AMDHD2: variants seen among roughly 807,000 people sequenced by gnomAD.
The protein encoded by AMDHD2 is amidohydrolase domain containing 2.
A neutral mutation model predicts 41.8 loss-of-function variants in AMDHD2; 24 were observed. The observed-to-expected ratio is 0.57, with a 90% confidence interval of 0.42 to 0.81. The LOEUF (loss-of-function observed/expected upper bound fraction) is 0.81. Ranked by LOEUF, AMDHD2 falls within the 30% of genes least tolerant of loss-of-function variation. The probability of loss-of-function intolerance (pLI) is 0.00; values close to 1 mark genes in which losing one functional copy is unlikely to be tolerated. For synonymous variants in AMDHD2, 332 were observed against 255.5 expected, an observed-to-expected ratio of 1.30 and a Z score of -2.85; for missense variants, 540 against 588.5, an observed-to-expected ratio of 0.92 and a Z score of 0.85.
intron 3 of AMDHD2, among the ~76,000 whole-genome samples, chr16:2,522,370 A>G (rs1326753133): frequency 6.6e-6 from 1 of 151,990 alleles, no homozygotes; most frequent in East Asian, 1.9e-4. Context: ...GGCTTGTGCC[A>G]CCACACCCGA....
In AMDHD2 at chr16:2,528,249, A is replaced by T; in HGVS notation, c.731A>T (p.Asp244Val). The change falls in exon 7 of 11, where the codon GAC (aspartate) becomes GTC (valine). Residue 244 changes from aspartate (D) to valine (V), a missense_variant. By Grantham distance (152) the Asp-to-Val change is radical (BLOSUM62 -3). Coordinates refer to ENST00000293971, the MANE Select transcript of AMDHD2 (RefSeq NM_001330449.2). ...GCCCCTGCCCAGTTCCACCACCGCG[A>T]CCCAGGCATCGTGGGGCTCCTGACC... The part of the protein sequence containing the change: ...FNAMLPFHHR[D>V]PGIVGLLTSD... 1 of 1,611,918 alleles carries T rather than the reference A, an allele frequency of 6.2e-7. No individual in the cohort carries two copies. Among genetic ancestry groups the T allele is most frequent in the Non-Finnish European group, 8.5e-7 (1 of 1,179,826 alleles).
At chr16:2,520,694 G>T in intron 1 of AMDHD2, 75 bp from the exon 2 acceptor site, 1 of 1,409,522 alleles carries the variant, frequency 7.1e-7, no homozygotes, top group East Asian at 2.8e-5. Context: ...GTGCGGGGCC[G>T]GGGACCGGGC....
At chr16:2,526,709 G>A (rs1381140139) in intron 3 of AMDHD2, among the ~76,000 whole-genome samples, 1 of 151,976 alleles carries the variant, frequency 6.6e-6, no homozygotes, top group Non-Finnish European at 1.5e-5. Flanking sequence ...AGACTAAGGT[G>A]GGTGTTTGGT....
chr16:2,529,074 C>T lies in AMDHD2; in HGVS notation c.1120C>T (p.Leu374=). The change falls in exon 10 of 11, where the codon CTG becomes TTG. Residue 374 remains leucine (L), a synonymous_variant. Transcript: ENST00000293971. The part of the protein sequence containing the change: ...LLGLEKSKGT[L]DFGADADFVV... Reference sequence around the variant, plus strand: ...GGGGCTGGAGAAGAGTAAGGGGACCCTGGACTTTGGTGCTGACGCAGGTGA... The same window carrying T: ...GGGGCTGGAGAAGAGTAAGGGGACCTTGGACTTTGGTGCTGACGCAGGTGA... The T allele has an allele frequency of 6.3e-7, 1 of 1,593,508 alleles. No homozygotes were observed. The highest frequency in any genetic ancestry group is 8.5e-7 in the Non-Finnish European group (1 of 1,170,696).
chr16:2,524,851 C>T (rs1004849577), intron 3 of AMDHD2, among the ~76,000 whole-genome samples: 4 of 152,044 alleles, frequency 2.6e-5, no homozygotes, highest in Non-Finnish European at 5.9e-5. Context: ...CCCTTTCTCT[C>T]CTCTCATCTT....
At chr16:2,526,670 G>A (rs2066007613) in intron 3 of AMDHD2, among the ~76,000 whole-genome samples, 1 of 152,090 alleles carries the variant, frequency 6.6e-6, no homozygotes, top group African/African-American at 2.4e-5. Context: ...AGGCATGGTG[G>A]CTCACGCCTG....
In AMDHD2 at chr16:2,531,086, C is replaced by T; in HGVS notation, c.*1523C>T. 2 of 1,574,626 alleles carry T rather than the reference C, an allele frequency of 1.3e-6. No individual in the cohort carries two copies. Among genetic ancestry groups the T allele is most frequent in the East Asian group, 2.3e-5 (1 of 44,386 alleles). On this transcript the variant is annotated 3_prime_UTR_variant, in exon 11 of 11. Transcript: ENST00000293971. The stretch of plus-strand genomic sequence containing the variant: ...TTGATGTGCCCATCCTCAGCTAAAA[C>T]CCAGAGCTGGCATGTTGGTCATCCC...
rs751912584 is a variant in AMDHD2, at chr16:2,527,156, G to C, written c.361-405G>C. 2 of 242,444 alleles carry C rather than the reference G, an allele frequency of 8.2e-6. No individual in the cohort carries two copies. The highest frequency in any genetic ancestry group is 4.6e-5 in the African/African-American group (2 of 43,164). The allele number at this position is 242,444 out of a possible 1,614,324, so 15.0% of individuals were successfully genotyped here. On this transcript the variant is annotated intron_variant, in intron 3 of 10. Transcript: ENST00000293971. The surrounding 1 kb of genome is among the most constrained non-coding windows in gnomAD (Gnocchi z 6.1). ...GTTCCCTGACACACTCGGTCTTCCT[G>C]ATGGCGTCCAGCTCCGGCCATGGTG...
At chr16:2,521,192 C>A in intron 3 of AMDHD2, 69 bp downstream of exon 3, 1 of 1,472,216 alleles carries the variant, frequency 6.8e-7, no homozygotes, top group Non-Finnish European at 9.0e-7. Context: ...TTTTCAAACT[C>A]ACGCCCCACC....
At position 2,528,717 on chromosome 16, in the gene AMDHD2, A is replaced by G. The variant is rs2066042871; in HGVS notation, c.1038A>G (p.Thr346=). The G allele has an allele frequency of 6.2e-7, 1 of 1,612,220 alleles. No homozygotes were observed. Among genetic ancestry groups the G allele is most frequent in the Admixed American group, 1.7e-5 (1 of 59,856 alleles). Residue 346 remains threonine (T), a splice_region_variant and synonymous_variant, in exon 9 of 11, where the codon ACA becomes ACG. Coordinates refer to ENST00000293971, the MANE Select transcript of AMDHD2 (RefSeq NM_001330449.2). ...DVCVRHFLQA[T]GCSMESALEA... ...GTGTCCGGCACTTCCTGCAGGCCAC[A>G]GGTCAGTGAGCAGCACGGGTGCGGG...
intron 3 of AMDHD2, among the ~76,000 whole-genome samples, chr16:2,521,932 C>G (rs1470947635): frequency 6.6e-6 from 1 of 151,812 alleles, no homozygotes; most frequent in Non-Finnish European, 1.5e-5. Context: ...CTACAGGTGC[C>G]CGCCACCTCG....
Position 2,520,897 on chromosome 16 carries a change from A to G in AMDHD2, c.212A>G (p.Gln71Arg). 1 of 1,608,100 alleles carries G rather than the reference A, an allele frequency of 6.2e-7. No homozygotes were observed. Among genetic ancestry groups the G allele is most frequent in the Non-Finnish European group, 8.5e-7 (1 of 1,176,346 alleles). ...RILAPGFIDVQINGGFGVDFS... is the reference protein window; with the variant it reads ...RILAPGFIDVRINGGFGVDFS... The stretch of plus-strand genomic sequence containing the variant: ...TTGGCTCCCGGATTCATCGACGTGC[A>G]GATCAACGGTGCGGCCCGGGGCCGG... The change falls in exon 2 of 11, where the codon CAG becomes CGG. Residue 71 changes from glutamine to arginine, a missense_variant. By Grantham distance (43) the Gln-to-Arg change is conservative. Transcript: ENST00000293971.
intron 3 of AMDHD2, among the ~76,000 whole-genome samples, chr16:2,524,052 G>A (rs544225784): frequency 3.9e-5 from 6 of 152,272 alleles, no homozygotes; most frequent in South Asian, 4.1e-4. Context: ...AACCCTTGGC[G>A]CACACACAGG....
intron 3 of AMDHD2, among the ~76,000 whole-genome samples, chr16:2,524,513 C>T (rs1231961259): frequency 2.0e-5 from 3 of 152,218 alleles, no homozygotes; most frequent in Non-Finnish European, 2.9e-5. Flanking sequence ...ACTGTGCTCT[C>T]TCTATGTAGC....
rs1393307202 is a variant in AMDHD2 at position 2,528,388 on chromosome 16, G to T, written c.862+8G>T. On this transcript the variant is annotated splice_region_variant and intron_variant, in intron 7 of 10. Transcript: ENST00000293971. ...ACCGTGCCCATCCCCAGGGTAAGCT[G>T]CGGCAGGTGGCCAGGACAGGTAGGA... 1 of 1,612,768 alleles carries T rather than the reference G, an allele frequency of 6.2e-7. No homozygotes were observed. The highest frequency in any genetic ancestry group is 1.3e-5 in the African/African-American group (1 of 74,930).
rs371140685 is a variant in AMDHD2 at position 2,521,366 on chromosome 16, G to A, written c.360+243G>A. The stretch of plus-strand genomic sequence containing the variant: ...GTCTCCACACTGCTGGCTCAGCACC[G>A]TCTGAGCCATAGGCCGTCCCCACCC... On this transcript the variant is annotated intron_variant, in intron 3 of 10. Transcript: ENST00000293971. Among the ~76,000 whole-genome samples the A allele has an allele frequency of 5.3e-5, 8 of 152,124 alleles. No homozygotes were observed. The East Asian group carries it at 7.7e-4, about 15-fold the overall frequency.
In AMDHD2 at chr16:2,529,460, C is replaced by T. The variant is rs761674062; in HGVS notation, c.1142-15C>T. 1 of 1,608,708 alleles carries T rather than the reference C, an allele frequency of 6.2e-7. No homozygotes were observed. Among genetic ancestry groups the T allele is most frequent in the South Asian group, 1.1e-5 (1 of 91,080 alleles). On this transcript the variant is annotated splice_polypyrimidine_tract_variant and intron_variant, in intron 10 of 10. Coordinates refer to ENST00000293971, the MANE Select transcript of AMDHD2 (RefSeq NM_001330449.2). The stretch of plus-strand genomic sequence containing the variant: ...CCCACTCCTGCCCCCTACTCATTGC[C>T]CGGCTCTGTCCCAGACTTCGTGGTG...
chr16:2,528,425 G>A (rs759337606), intron 7 of AMDHD2, 27 bp from the exon 8 acceptor site: 1 of 1,612,662 alleles, frequency 6.2e-7, no homozygotes, highest in Non-Finnish European at 8.5e-7. Context: ...GACTGGGCTA[G>A]CAGGTTCTGA....
At chr16:2,523,836 C>G (rs1003511976) in intron 3 of AMDHD2, among the ~76,000 whole-genome samples, 3 of 152,234 alleles carry the variant, frequency 2.0e-5, no homozygotes, top group African/African-American at 7.2e-5. Flanking sequence ...CTCCTGCCCC[C>G]AAACTCTTGG....
Sources: allele counts gnomAD v4.1 joint callset (sites outside exome capture counted in the v4.1 genomes callset), GRCh38; gene constraint gnomAD v4.1.1; non-coding constraint Gnocchi (gnomAD v3.1); transcripts MANE v1.5; gene names NCBI Gene and HGNC (gene_info 2026-07-23, HGNC 2026-07-21).